The following CUEDC1 variants were observed in gnomAD, a reference collection of about 807,000 sequenced individuals.
CUEDC1 encodes the protein CUE domain containing 1.
Under a neutral mutation model 43.7 loss-of-function variants are expected in CUEDC1, and 30 were observed. The observed-to-expected ratio is 0.69, with a 90% confidence interval of 0.51 to 0.93. The LOEUF (loss-of-function observed/expected upper bound fraction) is 0.93. Ranked by LOEUF, CUEDC1 falls within the 40% of genes least tolerant of loss-of-function variation. The pLI is 0.00. For missense variants in CUEDC1, 486 were observed against 549.0 expected, an observed-to-expected ratio of 0.89 and a Z score of 1.15; for synonymous variants, 223 against 223.6, an observed-to-expected ratio of 1.00 and a Z score of 0.02.
chr17:57,927,963 G>A (rs544296871), intron 1 of CUEDC1, among the ~76,000 whole-genome samples: 27 of 152,314 alleles, frequency 1.8e-4, no homozygotes, highest in African/African-American at 6.3e-4. Context: ...ACAAGTAGCA[G>A]AGGAAGGATT....
chr17:57,927,224 G>A (rs1233082083), intron 1 of CUEDC1, among the ~76,000 whole-genome samples: 1 of 152,034 alleles, frequency 6.6e-6, no homozygotes, highest in Non-Finnish European at 1.5e-5. Flanking sequence ...GGGCATCCAG[G>A]GGCAGGCGGG....
intron 3 of CUEDC1, among the ~76,000 whole-genome samples, chr17:57,874,778 T>C (rs2074090135): frequency 6.6e-6 from 1 of 151,836 alleles, no homozygotes; most frequent in Non-Finnish European, 1.5e-5. Context: ...GCCCGCCCCC[T>C]CACTGGAGGG....
At chr17:57,894,971 G>C (rs1436785135) in intron 1 of CUEDC1, among the ~76,000 whole-genome samples, 1 of 152,258 alleles carries the variant, frequency 6.6e-6, no homozygotes, top group East Asian at 1.9e-4. Context: ...CCAAGATGAG[G>C]CTTCTCAGCA....
chr17:57,883,287 G>T (rs4793576), intron 2 of CUEDC1, among the ~76,000 whole-genome samples: 103,020 of 152,082 alleles, frequency 0.68, 35,268 homozygotes, highest in East Asian at 1. Context: ...CAGATGTCTT[G>T]GCCAACAGAG....
chr17:57,889,351 C>T (rs1266303851), intron 1 of CUEDC1, among the ~76,000 whole-genome samples: 2 of 152,104 alleles, frequency 1.3e-5, no homozygotes, highest in African/African-American at 4.8e-5. Context: ...TTCCCCAGCA[C>T]CTGGATGTCA....
intron 1 of CUEDC1, among the ~76,000 whole-genome samples, chr17:57,915,538 G>A (rs1377550918): frequency 6.6e-6 from 1 of 152,160 alleles, no homozygotes; most frequent in African/African-American, 2.4e-5. Flanking sequence ...GGTTAATGTG[G>A]CTACGTTAAA....
At chr17:57,926,757 A>C (rs1302518385) in intron 1 of CUEDC1, among the ~76,000 whole-genome samples, 1 of 152,244 alleles carries the variant, frequency 6.6e-6, no homozygotes, top group East Asian at 1.9e-4. Flanking sequence ...GACAATATGC[A>C]AATTAGAGGC....
chr17:57,951,195 G>A lies in CUEDC1; in HGVS notation c.-316+4030C>T, dbSNP rs753174819. On this transcript the variant is annotated intron_variant, in intron 1 of 10. Coordinates refer to ENST00000577830, the MANE Select transcript of CUEDC1 (RefSeq NM_001271875.2). Reference sequence around the variant, plus strand: ...TAATGAGCCTCAGAATTTGTGTACCGCTGTGCAGAAATGGCAATAATAATA... The same window carrying A: ...TAATGAGCCTCAGAATTTGTGTACCACTGTGCAGAAATGGCAATAATAATA... Among the ~76,000 whole-genome samples the A allele has an allele frequency of 6.0e-5, 9 of 150,974 alleles. No homozygotes were observed. The South Asian group carries it at 6.2e-4, about 10-fold the overall frequency.
At chr17:57,868,477 C>CCCT in intron 7 of CUEDC1, 1 of 554,950 alleles carries the variant, frequency 1.8e-6, no homozygotes, top group South Asian at 2.1e-5. Flanking sequence ...GCACAGGACA[C>CCCT]CCTGAGCCAG....
intron 1 of CUEDC1, among the ~76,000 whole-genome samples, chr17:57,925,591 G>A (rs1173575404): frequency 6.6e-6 from 1 of 152,180 alleles, no homozygotes; most frequent in Non-Finnish European, 1.5e-5. Flanking sequence ...TGCCGCTGCA[G>A]GGTCCAGTGT....
intron 1 of CUEDC1, among the ~76,000 whole-genome samples, chr17:57,941,107 C>T (rs1045158289): frequency 3.3e-5 from 5 of 152,182 alleles, no homozygotes. Flanking sequence ...GAGAAGGCAT[C>T]AAGGAGGAGT....
Position 57,885,162 on chromosome 17 carries a change from G to A in CUEDC1, c.336+67C>T, listed in dbSNP as rs532412140. The A allele has an allele frequency of 8.8e-5, 131 of 1,484,574 alleles. 2 individuals carry two copies. In the African/African-American group the frequency reaches 1.7e-3, roughly 19 times the overall value. The allele number at this position is 1,484,574 out of a possible 1,614,324, so 92.0% of individuals were successfully genotyped here. A position where few individuals can be genotyped will look rare whatever the true frequency, so the allele number is the denominator to read the frequency against. On this transcript the variant is annotated intron_variant, in intron 2 of 10. Transcript: ENST00000577830. Reference sequence around the variant, plus strand: ...AGTGGTGGTTGGAATTACCCGGGCCGTGCCCCTACCTCCGGGGGGATGCTG... The same window carrying A: ...AGTGGTGGTTGGAATTACCCGGGCCATGCCCCTACCTCCGGGGGGATGCTG...
intron 9 of CUEDC1, chr17:57,867,107 C>G (rs755247674): frequency 1.2e-4 from 68 of 576,326 alleles, no homozygotes; most frequent in Admixed American, 8.3e-4. Flanking sequence ...AGAAACAGTA[C>G]CTGGCACTTC....
Position 57,862,269 on chromosome 17 carries a change from C to G in CUEDC1, c.*1020G>C, listed in dbSNP as rs1056425549. On this transcript the variant is annotated 3_prime_UTR_variant, in exon 11 of 11. Coordinates refer to ENST00000577830, the MANE Select transcript of CUEDC1 (RefSeq NM_001271875.2). ...AGTTCTCCTCCTCAGATCACCCGCC[C>G]TTCTCAGGGGCACCCAGCAAGCCCT... 2.6e-5 allele frequency: 4 copies of G among 152,820 alleles called. No individual in the cohort carries two copies. Among genetic ancestry groups the G allele is most frequent in the African/African-American group, 9.6e-5 (4 of 41,482 alleles). 9.5% of individuals were successfully genotyped at this position (152,820 alleles called of 1,614,324 possible).
At chr17:57,893,483 C>T (rs1479269659) in intron 1 of CUEDC1, among the ~76,000 whole-genome samples, 4 of 152,192 alleles carry the variant, frequency 2.6e-5, no homozygotes, top group Non-Finnish European at 5.9e-5. Context: ...GACCTTTAAA[C>T]GCTGAGCCTC....
In CUEDC1 at chr17:57,898,388, T is replaced by C. The variant is rs117463868; in HGVS notation, c.-315-12509A>G. 1.7e-3 allele frequency among the ~76,000 whole-genome samples: 253 copies of C among 151,992 alleles called. 1 individual carries two copies. The highest frequency in any genetic ancestry group is 2.1e-3 in the Non-Finnish European group (140 of 67,950). On this transcript the variant is annotated intron_variant, in intron 1 of 10. Transcript: ENST00000577830. ...TTGTTTACTGGTGCTATGTCTGGGGTAGGAAGCCATGGAGCGAGTGGTCAG... is the reference window on the plus strand; with the variant it reads ...TTGTTTACTGGTGCTATGTCTGGGGCAGGAAGCCATGGAGCGAGTGGTCAG...
intron 1 of CUEDC1, chr17:57,912,245 T>C (rs918934628): frequency 3.9e-5 from 6 of 152,226 alleles, no homozygotes; most frequent in African/African-American, 1.4e-4. Flanking sequence ...TGGTGAGGAT[T>C]TGGCTGCCGG....
At chr17:57,918,177 T>A (rs1243249924) in intron 1 of CUEDC1, among the ~76,000 whole-genome samples, 1 of 152,224 alleles carries the variant, frequency 6.6e-6, no homozygotes, top group Admixed American at 6.5e-5. Context: ...CTCAACAGTC[T>A]TCCCACCAGA....
At chr17:57,882,010 C>G (rs1352552557) in intron 2 of CUEDC1, among the ~76,000 whole-genome samples, 1 of 152,194 alleles carries the variant, frequency 6.6e-6, no homozygotes, top group Non-Finnish European at 1.5e-5. Flanking sequence ...TCTTCTGGCT[C>G]TAAAGGTGCT....
Sources: gnomAD v4.1 joint callset for allele counts (sites outside exome capture counted in the v4.1 genomes callset) on GRCh38, gnomAD v4.1.1 for gene constraint, MANE v1.5 for transcripts, NCBI Gene and HGNC (gene_info 2026-07-23, HGNC 2026-07-21) for gene names.